ANKS6: variants seen among roughly 807,000 people sequenced by gnomAD.
ANKS6 encodes the protein ankyrin repeat and SAM domain-containing protein 6.
A neutral mutation model predicts 77.9 loss-of-function variants in ANKS6; 47 were observed. The ratio of observed to expected loss-of-function variants is 0.60; its 90% CI spans 0.48 to 0.77. ANKS6 has a LOEUF of 0.77. Among genes scored for constraint, ANKS6 ranks in the 30% least tolerant of loss-of-function variants. The pLI is 0.00. For missense variants in ANKS6, 1,150 were observed against 1,159.1 expected, an observed-to-expected ratio of 0.99 and a Z score of 0.11; for synonymous variants, 488 against 501.7, an observed-to-expected ratio of 0.97 and a Z score of 0.37.
intron 9 of ANKS6, among the ~76,000 whole-genome samples, chr9:98,771,267 A>G (rs933113265): frequency 1.3e-5 from 2 of 152,218 alleles, no homozygotes; most frequent in Admixed American, 1.3e-4. Flanking sequence ...TCCATGTCAC[A>G]TCATTTCCCA....
At chr9:98,789,412 A>G (rs2118167892) in intron 2 of ANKS6, among the ~76,000 whole-genome samples, 1 of 137,812 alleles carries the variant, frequency 7.3e-6, no homozygotes, top group South Asian at 2.6e-4. Flanking sequence ...TACATGCCAG[A>G]GAGATGGCAA....
intron 14 of ANKS6, among the ~76,000 whole-genome samples, chr9:98,742,888 C>T (rs970766660): frequency 2.0e-5 from 3 of 152,168 alleles, no homozygotes; most frequent in African/African-American, 7.2e-5. Flanking sequence ...TGAAAAAAGG[C>T]TCTAGTTTAT....
chr9:98,773,305 GAATCCCTTCGTCTTGCC>G (rs1833739690), intron 9 of ANKS6, among the ~76,000 whole-genome samples: 1 of 152,176 alleles, frequency 6.6e-6, no homozygotes, highest in Non-Finnish European at 1.5e-5. Context: ...GGTCAGTCCT[GAATCCCTTCGTCTTGCC>G]CATTTGCTGC....
In ANKS6 at chr9:98,768,194, C is replaced by T. The variant is rs761669977; in HGVS notation, c.2029G>A (p.Gly677Arg). ...QIAAQRKKAA[G>R]LLEQKPSHRS... The stretch of plus-strand genomic sequence containing the variant: ...TGGCTGGGTTTCTGCTCCAATAATC[C>T]GGCTGCTTTTTTCCTCTGGGCAGCG... The change falls in exon 11 of 15, where the codon GGA (glycine) becomes AGA (arginine). Residue 677 changes from glycine to arginine, a missense_variant. Physicochemically the swap from Gly to Arg is moderately radical, Grantham distance 125. Coordinates refer to ENST00000353234, the MANE Select transcript of ANKS6 (RefSeq NM_173551.5). 9.3e-6 allele frequency: 15 copies of T among 1,614,116 alleles called. No homozygotes were observed. The highest frequency in any genetic ancestry group is 1.7e-4 in the Middle Eastern group (1 of 6,054).
intron 2 of ANKS6, among the ~76,000 whole-genome samples, chr9:98,788,678 C>G (rs1834716536): frequency 3.3e-5 from 5 of 152,222 alleles, no homozygotes; most frequent in Admixed American, 3.3e-4. Flanking sequence ...TCATTGTGTC[C>G]ATTTCACAGA....
Position 98,739,758 on chromosome 9 carries a change from A to ATTTTTTTTTTTTTTTTTTTT in ANKS6, c.2512-3136_2512-3135insAAAAAAAAAAAAAAAAAAAA, listed in dbSNP as rs749499336. Among the ~76,000 whole-genome samples the ATTTTTTTTTTTTTTTTTTTT allele has an allele frequency of 1.5e-3, 132 of 88,858 alleles. 28 individuals carry two copies. The highest frequency in any genetic ancestry group is 2.0e-3 in the Non-Finnish European group (96 of 48,396). The allele number at this position is 88,858 out of a possible 152,430, so 58.3% of individuals were successfully genotyped here. On this transcript the variant is annotated intron_variant, in intron 14 of 14. Transcript: ENST00000353234. ...CTCAGAGGGCAGCAGTGGATTAAAC[A>ATTTTTTTTTTTTTTTTTTTT]TTTTTTTTTTTTTTTTGAGACGGAG...
At chr9:98,789,402 T>A (rs1819333054) in intron 2 of ANKS6, among the ~76,000 whole-genome samples, 1 of 141,020 alleles carries the variant, frequency 7.1e-6, no homozygotes, top group Admixed American at 7.4e-5. Flanking sequence ...GACAACTCTT[T>A]ACATGCCAGA....
chr9:98,738,897 T>A (rs779279755), intron 14 of ANKS6, among the ~76,000 whole-genome samples: 1 of 152,188 alleles, frequency 6.6e-6, no homozygotes, highest in East Asian at 1.9e-4. Flanking sequence ...ATATATATGA[T>A]GGAATACTAC....
intron 1 of ANKS6, among the ~76,000 whole-genome samples, chr9:98,795,839 AC>A (rs1446357910): frequency 6.6e-6 from 1 of 152,194 alleles, no homozygotes; most frequent in Non-Finnish European, 1.5e-5. Flanking sequence ...GGAAACTCTT[AC>A]TGCAATAAGA....
At chr9:98,748,839 G>C (rs1268736248) in intron 13 of ANKS6, among the ~76,000 whole-genome samples, 1 of 152,150 alleles carries the variant, frequency 6.6e-6, no homozygotes, top group Non-Finnish European at 1.5e-5. Context: ...AAAATTATTA[G>C]TCTGTCTTTA....
chr9:98,734,916 G>C lies in ANKS6; in HGVS notation c.*1603C>G, dbSNP rs1158353044. 11 of 985,434 alleles carry C rather than the reference G, an allele frequency of 1.1e-5. No homozygotes were observed. Among genetic ancestry groups the C allele is most frequent in the Non-Finnish European group, 1.3e-5 (11 of 829,936 alleles). The allele number at this position is 985,434 out of a possible 1,614,324, so 61.0% of individuals were successfully genotyped here. A position where few individuals can be genotyped will look rare whatever the true frequency, so the allele number is the denominator to read the frequency against. On this transcript the variant is annotated 3_prime_UTR_variant, in exon 15 of 15. Transcript: ENST00000353234. ...GGCTTCTGTGAGTGTAAGGCTGAGAGAATTTAAAGGAAAAACACCCAACCA... is the reference window on the plus strand; with the variant it reads ...GGCTTCTGTGAGTGTAAGGCTGAGACAATTTAAAGGAAAAACACCCAACCA...
chr9:98,783,806 T>C, intron 4 of ANKS6, 147 bp downstream of exon 4: 1 of 421,412 alleles, frequency 2.4e-6, no homozygotes. Context: ...TGTGCCGCTT[T>C]TTTTTTTTTT....
Position 98,777,391 on chromosome 9 carries a change from A to T in ANKS6, c.1617+14T>A. The T allele has an allele frequency of 1.9e-6, 3 of 1,613,836 alleles. No individual in the cohort carries two copies. Among genetic ancestry groups the T allele is most frequent in the Middle Eastern group, 1.6e-4 (1 of 6,062 alleles). ...CGGAGACCTAAAATGCTTTTAGAAAAGCCCCACACTCACCATGGTTGTCAA... is the reference window on the plus strand; with the variant it reads ...CGGAGACCTAAAATGCTTTTAGAAATGCCCCACACTCACCATGGTTGTCAA... On this transcript the variant is annotated intron_variant, in intron 8 of 14. Transcript: ENST00000353234.
chr9:98,742,276 T>G (rs1026237791), intron 14 of ANKS6, among the ~76,000 whole-genome samples: 1 of 152,204 alleles, frequency 6.6e-6, no homozygotes, highest in African/African-American at 2.4e-5. Context: ...CAGGAACCCT[T>G]GATGTCAAGG....
rs1277206086 is a variant in ANKS6 at position 98,778,282 on chromosome 9, T to TG, written c.1510dup (p.Gln504ProfsTer11). 3 of 1,614,062 alleles carry TG rather than the reference T, an allele frequency of 1.9e-6. No homozygotes were observed. The highest frequency in any genetic ancestry group is 2.5e-6 in the Non-Finnish European group (3 of 1,179,986). On this transcript the variant is annotated frameshift_variant, in exon 7 of 15. Coordinates refer to ENST00000353234, the MANE Select transcript of ANKS6 (RefSeq NM_173551.5). LOFTEE classifies it high-confidence loss of function. ...GAGTGCAGAGCGGCTTGTCTTGTCC[T>TG]GGGGGGCAGCCCTCATTGTGGAGTC... is the stretch of plus-strand genomic sequence containing the variant.
chr9:98,768,502 C>A (rs1385401240), intron 10 of ANKS6, among the ~76,000 whole-genome samples: 3 of 152,158 alleles, frequency 2.0e-5, no homozygotes, highest in Non-Finnish European at 4.4e-5. Flanking sequence ...AAAACCCAGT[C>A]CATCCTCGCT....
chr9:98,777,475 T>C, intron 7 of ANKS6, 21 bp from the exon 8 acceptor site: 1 of 1,613,934 alleles, frequency 6.2e-7, no homozygotes, highest in Non-Finnish European at 8.5e-7. Flanking sequence ...AATGGAAATT[T>C]CCTGAAATGA....
intron 11 of ANKS6, among the ~76,000 whole-genome samples, chr9:98,762,168 GTAT>G (rs1374997818): frequency 1.3e-5 from 2 of 152,040 alleles, no homozygotes; most frequent in African/African-American, 4.8e-5. Context: ...CATGTTAAAT[GTAT>G]TATATTTTTA....
At chr9:98,767,561 G>A (rs1833369558) in intron 11 of ANKS6, among the ~76,000 whole-genome samples, 3 of 152,204 alleles carry the variant, frequency 2.0e-5, no homozygotes, top group Admixed American at 6.5e-5. Flanking sequence ...CTTACTGTTA[G>A]CTGTGCCAGG....
Sources: gnomAD v4.1 joint callset for allele counts (sites outside exome capture counted in the v4.1 genomes callset) on GRCh38, gnomAD v4.1.1 for gene constraint, MANE v1.5 for transcripts, NCBI Gene and HGNC (gene_info 2026-07-23, HGNC 2026-07-21) for gene names.